Variants in EML6 observed in about 807,000 individuals in gnomAD.
The protein encoded by EML6 is EMAP like 6, also known as echinoderm microtubule-associated protein-like 6.
In EML6, 154 loss-of-function variants were observed where a neutral mutation model predicts 240.1. The observed-to-expected ratio is 0.64, with a 90% confidence interval of 0.56 to 0.73. EML6 has a LOEUF of 0.73. Ranked by LOEUF, EML6 falls within the 30% of genes least tolerant of loss-of-function variation. The probability of loss-of-function intolerance (pLI) is 0.00; values close to 1 mark genes in which losing one functional copy is unlikely to be tolerated. For missense variants in EML6, 2,964 were observed against 2,474.6 expected, an observed-to-expected ratio of 1.20 and a Z score of -4.20; for synonymous variants, 1,148 against 899.0, an observed-to-expected ratio of 1.28 and a Z score of -4.95.
At chr2:54,889,682 T>G (rs1558654419) in intron 17 of EML6, among the ~76,000 whole-genome samples, 1 of 152,178 alleles carries the variant, frequency 6.6e-6, no homozygotes, top group Non-Finnish European at 1.5e-5. Flanking sequence ...TTTTAAAATT[T>G]CCTTTTTAAT....
Position 54,970,652 on chromosome 2 carries a change from T to C in EML6, c.*557T>C, listed in dbSNP as rs956336636. The C allele has an allele frequency of 1.3e-5, 2 of 153,796 alleles. No homozygotes were observed. The highest frequency in any genetic ancestry group is 4.8e-5 in the African/African-American group (2 of 41,476). 9.5% of individuals were successfully genotyped at this position (153,796 alleles called of 1,614,324 possible). A position where few individuals can be genotyped will look rare whatever the true frequency, so the allele number is the denominator to read the frequency against. On this transcript the variant is annotated 3_prime_UTR_variant, in exon 42 of 42. Transcript: ENST00000356458. The stretch of plus-strand genomic sequence containing the variant: ...AGTTGAGAAACTTAATTTTTAAATG[T>C]TTCATTTGCAGAGTTTTATATCCAT...
At chr2:54,910,922 A>G (rs1047249038) in intron 24 of EML6, 32 bp from the exon 25 acceptor site, 18 of 1,123,836 alleles carry the variant, frequency 1.6e-5, no homozygotes, top group Non-Finnish European at 2.2e-5. Flanking sequence ...GTCAGATTTT[A>G]ATTATCTCTC....
chr2:54,917,446 C>T (rs1673983805), intron 26 of EML6, among the ~76,000 whole-genome samples: 1 of 146,838 alleles, frequency 6.8e-6, no homozygotes, highest in South Asian at 2.2e-4. Flanking sequence ...CTGACCGCAA[C>T]TTCTGCCTCC....
At chr2:54,823,525 G>T (rs561783430) in intron 5 of EML6, among the ~76,000 whole-genome samples, 1 of 152,132 alleles carries the variant, frequency 6.6e-6, no homozygotes, top group Admixed American at 6.5e-5. Context: ...TAAATCACGG[G>T]TTCCTTAGCA....
intron 2 of EML6, among the ~76,000 whole-genome samples, chr2:54,759,892 T>C (rs1254935740): frequency 4.7e-5 from 7 of 150,300 alleles, no homozygotes; most frequent in African/African-American, 1.7e-4. Context: ...ATAAAATCTT[T>C]GTTTACATAT....
chr2:54,907,004 A>G (rs908048511), intron 24 of EML6, among the ~76,000 whole-genome samples: 1 of 152,220 alleles, frequency 6.6e-6, no homozygotes, highest in African/African-American at 2.4e-5. Context: ...CAGCCTCAGC[A>G]GCCTCTTGTG....
intron 28 of EML6, among the ~76,000 whole-genome samples, chr2:54,947,785 A>T (rs1042274036): frequency 7.9e-5 from 12 of 152,172 alleles, no homozygotes; most frequent in Admixed American, 7.9e-4. Flanking sequence ...TTTAGTGCAG[A>T]GTTTGCCCAG....
chr2:54,838,629 G>A (rs543055152), intron 7 of EML6, among the ~76,000 whole-genome samples: 1 of 152,338 alleles, frequency 6.6e-6, no homozygotes, highest in Non-Finnish European at 1.5e-5. Flanking sequence ...GAAGGTTGCT[G>A]TTTCTCTTCT....
At chr2:54,846,318 C>G (rs1321276590) in intron 8 of EML6, among the ~76,000 whole-genome samples, 1 of 151,950 alleles carries the variant, frequency 6.6e-6, no homozygotes, top group East Asian at 1.9e-4. Context: ...GCTGAAATAA[C>G]TATTACTGGA....
rs140382485 is a variant in EML6, at chr2:54,845,198, T to C, written c.1049+950T>C. ...ATCTCTACCAAGCACGAAAACCTCATTGATCTAAAAATCAGTGAGAAAAAC... is the reference window on the plus strand; with the variant it reads ...ATCTCTACCAAGCACGAAAACCTCACTGATCTAAAAATCAGTGAGAAAAAC... On this transcript the variant is annotated intron_variant, in intron 8 of 41. Coordinates refer to ENST00000356458, the MANE Select transcript of EML6 (RefSeq NM_001039753.4). Among the ~76,000 whole-genome samples, 63 of 152,356 alleles carry C rather than the reference T, an allele frequency of 4.1e-4. 1 individual carries two copies. The highest frequency in any genetic ancestry group is 1.3e-3 in the African/African-American group (56 of 41,588).
At position 54,921,723 on chromosome 2, in the gene EML6, TA is replaced by T. The variant is rs202159992; in HGVS notation, c.3675+4793del. Among the ~76,000 whole-genome samples, 935 of 152,158 alleles carry T rather than the reference TA, an allele frequency of 6.1e-3. 5 individuals carry two copies. Among genetic ancestry groups the T allele is most frequent in the Non-Finnish European group, 7.1e-3 (485 of 67,954 alleles). On this transcript the variant is annotated intron_variant, in intron 26 of 41. Coordinates refer to ENST00000356458, the MANE Select transcript of EML6 (RefSeq NM_001039753.4). Reference sequence around the variant, plus strand: ...GTAATCAAAATGTATGGTACTGACATAAAAACACATAGACCAATGAAACAGA... The same window carrying T: ...GTAATCAAAATGTATGGTACTGACATAAAACACATAGACCAATGAAACAGA...
rs375657743 is a variant in EML6 at position 54,819,773 on chromosome 2, G to GAAA, written c.457-606_457-604dup. Among the ~76,000 whole-genome samples the GAAA allele has an allele frequency of 8.0e-4, 98 of 123,098 alleles. 5 individuals carry two copies. The highest frequency in any genetic ancestry group is 4.1e-3 in the South Asian group (15 of 3,628). 80.8% of individuals were successfully genotyped at this position (123,098 alleles called of 152,430 possible). On this transcript the variant is annotated intron_variant, in intron 4 of 41. Transcript: ENST00000356458. ...CTGGTGACGGAGCGAGACTGTCTCA[G>GAAA]AAAAAAAAAAAAAAAAAGACAAATA...
intron 7 of EML6, among the ~76,000 whole-genome samples, chr2:54,840,135 AT>A (rs774111548): frequency 3.3e-5 from 5 of 152,198 alleles, no homozygotes; most frequent in Non-Finnish European, 7.3e-5. Context: ...GCATAAATAG[AT>A]ACTTGACCAA....
Position 54,813,436 on chromosome 2 carries a change from C to T in EML6, c.357+45C>T, listed in dbSNP as rs1667949678. On this transcript the variant is annotated intron_variant, in intron 3 of 41. Transcript: ENST00000356458. ...TGTTTTATTTAATGACTTCTCACAA[C>T]TCACTTAAAACTATAATAGGAATAG... The T allele has an allele frequency of 2.7e-6, 4 of 1,470,346 alleles. No individual in the cohort carries two copies. In the South Asian group the frequency reaches 4.9e-5, roughly 18 times the overall value. The allele number at this position is 1,470,346 out of a possible 1,614,324, so 91.1% of individuals were successfully genotyped here. A position where few individuals can be genotyped will look rare whatever the true frequency, so the allele number is the denominator to read the frequency against.
At chr2:54,936,907 T>G (rs1675162857) in intron 28 of EML6, among the ~76,000 whole-genome samples, 1 of 151,982 alleles carries the variant, frequency 6.6e-6, no homozygotes, top group Admixed American at 6.6e-5. Context: ...CCTTCCGCAG[T>G]AGACTTTGGG....
chr2:54,859,550 G>C lies in EML6; in HGVS notation c.1674G>C (p.Lys558Asn). The change falls in exon 12 of 42, where the codon AAG becomes AAC. Residue 558 changes from lysine to asparagine, a missense_variant. Coordinates refer to ENST00000356458, the MANE Select transcript of EML6 (RefSeq NM_001039753.4). Reference sequence around the variant, plus strand: ...TTCTTTCAGGAGCCAAATTTAGAAAGTATGTGGGCCATTCTGCACATGTCA... The same window carrying C: ...TTCTTTCAGGAGCCAAATTTAGAAACTATGTGGGCCATTCTGCACATGTCA... ...PCLKRGAKFR[K>N]YVGHSAHVTN... 3 of 1,549,906 alleles carry C rather than the reference G, an allele frequency of 1.9e-6. No individual in the cohort carries two copies. Among genetic ancestry groups the C allele is most frequent in the Non-Finnish European group, 2.6e-6 (3 of 1,146,536 alleles).
chr2:54,922,429 A>G lies in EML6; in HGVS notation c.3675+5494A>G, dbSNP rs113603970. Reference sequence around the variant, plus strand: ...GTGTAAAGGAAGGGAACCCTTGTACACTGTTATGCCCACCAACAGTGTACA... The same window carrying G: ...GTGTAAAGGAAGGGAACCCTTGTACGCTGTTATGCCCACCAACAGTGTACA... On this transcript the variant is annotated intron_variant, in intron 26 of 41. Coordinates refer to ENST00000356458, the MANE Select transcript of EML6 (RefSeq NM_001039753.4). 9.2e-3 allele frequency among the ~76,000 whole-genome samples: 1,397 copies of G among 152,250 alleles called. 20 individuals carry two copies. Among genetic ancestry groups the G allele is most frequent in the African/African-American group, 0.032 (1,327 of 41,540 alleles).
chr2:54,886,884 C>T (rs955711459), intron 17 of EML6, among the ~76,000 whole-genome samples: 1 of 152,186 alleles, frequency 6.6e-6, no homozygotes, highest in Non-Finnish European at 1.5e-5. Context: ...CTTCCTGTCA[C>T]ATCAGAAAAG....
rs183636847 is a variant in EML6, at chr2:54,890,249, T to C, written c.2439-805T>C. The stretch of plus-strand genomic sequence containing the variant: ...TGGTCCTAATGTATTGTTTTTAATA[T>C]GCTTTCAGATTCTGTTTGCTAATAT... On this transcript the variant is annotated intron_variant, in intron 17 of 41. Coordinates refer to ENST00000356458, the MANE Select transcript of EML6 (RefSeq NM_001039753.4). 2.3e-3 allele frequency among the ~76,000 whole-genome samples: 350 copies of C among 152,352 alleles called. 6 individuals carry two copies. The South Asian group carries it at 0.032, about 14-fold the overall frequency.
Sources: allele counts gnomAD v4.1 joint callset (sites outside exome capture counted in the v4.1 genomes callset), GRCh38; gene constraint gnomAD v4.1.1; transcripts MANE v1.5; gene names NCBI Gene and HGNC (gene_info 2026-07-23, HGNC 2026-07-21).